The following SLC14A2 variants were observed in gnomAD, a reference collection of about 807,000 sequenced individuals.
The protein encoded by SLC14A2 is urea transporter 2.
SLC14A2 carries 91 observed loss-of-function variants against 104.6 expected under a neutral mutation model. The ratio of observed to expected loss-of-function variants is 0.87; its 90% CI spans 0.73 to 1.04. The LOEUF (loss-of-function observed/expected upper bound fraction) is 1.04. Among genes scored for constraint, SLC14A2 ranks in the 50% least tolerant of loss-of-function variants. The pLI is 0.00. For missense variants in SLC14A2, 1,189 were observed against 1,156.0 expected (o/e 1.03, Z -0.41); for synonymous variants, 476 against 466.4 (o/e 1.02, Z -0.27).
At chr18:45,312,425 G>A (rs567440042) in intron 1 of SLC14A2, among the ~76,000 whole-genome samples, 22 of 151,664 alleles carry the variant, frequency 1.5e-4, no homozygotes, top group Admixed American at 3.3e-4. Context: ...CAGCAGCTTC[G>A]TTTTCAATGA....
chr18:45,403,523 T>C (rs745580443), intron 1 of SLC14A2, among the ~76,000 whole-genome samples: 16 of 152,332 alleles, frequency 1.1e-4, no homozygotes, highest in Non-Finnish European at 1.9e-4. Context: ...GGGTTGCCTC[T>C]GAGTGTACTG....
chr18:45,557,669 A>T (rs2044150280), intron 2 of SLC14A2, among the ~76,000 whole-genome samples: 1 of 152,034 alleles, frequency 6.6e-6, no homozygotes. Flanking sequence ...GGCCCCATAT[A>T]TTGGGCCTGG....
chr18:45,450,622 C>T (rs1030184578), intron 1 of SLC14A2, among the ~76,000 whole-genome samples: 2 of 152,172 alleles, frequency 1.3e-5, no homozygotes, highest in Non-Finnish European at 2.9e-5. Flanking sequence ...AAATGAGTAC[C>T]ACTGCAGGGG....
At chr18:45,476,266 T>C (rs1348835637) in intron 1 of SLC14A2, among the ~76,000 whole-genome samples, 1 of 152,210 alleles carries the variant, frequency 6.6e-6, no homozygotes, top group East Asian at 1.9e-4. Flanking sequence ...TATGAAATTC[T>C]GGATTGAAAA....
At position 45,606,601 on chromosome 18, in the gene SLC14A2, C is replaced by T. The variant is rs1170884435; in HGVS notation, c.-34-18030C>T. On this transcript the variant is annotated intron_variant, in intron 2 of 20. Coordinates refer to the SLC14A2 transcript ENST00000586448. ...ACCCCGTAAAGCTGGTGGCTGAGCA[C>T]TGAATGGCAAGAAAACATATGCCCA... Among the ~76,000 whole-genome samples the T allele has an allele frequency of 6.6e-4, 58 of 88,464 alleles. No homozygotes were observed. In the Admixed American group the frequency reaches 7.3e-3, roughly 11 times the overall value. The allele number at this position is 88,464 out of a possible 152,430, so 58.0% of individuals were successfully genotyped here.
intron 2 of SLC14A2, among the ~76,000 whole-genome samples, chr18:45,625,356 A>G (rs904746332): frequency 6.6e-6 from 1 of 152,224 alleles, no homozygotes; most frequent in African/African-American, 2.4e-5. Context: ...GCATTTCAGT[A>G]TAATTGGCTT....
intron 1 of SLC14A2, among the ~76,000 whole-genome samples, chr18:45,240,185 CT>C (rs1200424503): frequency 6.0e-5 from 9 of 148,788 alleles, no homozygotes; most frequent in African/African-American, 2.0e-4. Flanking sequence ...CAACCTCTGC[CT>C]CCTGGGTTCA....
At chr18:45,331,548 G>A (rs756642241) in intron 1 of SLC14A2, among the ~76,000 whole-genome samples, 20 of 151,958 alleles carry the variant, frequency 1.3e-4, no homozygotes, top group African/African-American at 3.6e-4. Context: ...AAAATTAGCC[G>A]GGCGTGGTGG....
At chr18:45,489,218 C>A (rs1191416110) in intron 2 of SLC14A2, among the ~76,000 whole-genome samples, 1 of 152,122 alleles carries the variant, frequency 6.6e-6, no homozygotes, top group Non-Finnish European at 1.5e-5. Flanking sequence ...AACAGTTAAC[C>A]TATACTAAAT....
At chr18:45,298,394 G>A (rs986018645) in intron 1 of SLC14A2, among the ~76,000 whole-genome samples, 1 of 152,158 alleles carries the variant, frequency 6.6e-6, no homozygotes, top group Admixed American at 6.6e-5. Context: ...CATGTAGCAT[G>A]CAAAAATCTA....
intron 1 of SLC14A2, among the ~76,000 whole-genome samples, chr18:45,423,520 G>T (rs1425272835): frequency 2.0e-5 from 3 of 152,132 alleles, no homozygotes; most frequent in African/African-American, 7.2e-5. Context: ...ATTCTAACCA[G>T]AGGGTTCCTT....
intron 1 of SLC14A2, among the ~76,000 whole-genome samples, chr18:45,386,055 G>A (rs1488301041): frequency 6.6e-6 from 1 of 152,162 alleles, no homozygotes; most frequent in East Asian, 1.9e-4. Flanking sequence ...ATGCTGTGGG[G>A]TTCAGAGACG....
At chr18:45,514,513 T>A (rs1020549896) in intron 2 of SLC14A2, among the ~76,000 whole-genome samples, 18 of 152,168 alleles carry the variant, frequency 1.2e-4, no homozygotes, top group African/African-American at 4.1e-4. Flanking sequence ...ATATCAGAGC[T>A]AGAAAATCAC....
At chr18:45,517,934 T>C (rs1403369776) in intron 2 of SLC14A2, among the ~76,000 whole-genome samples, 2 of 152,238 alleles carry the variant, frequency 1.3e-5, no homozygotes, top group Non-Finnish European at 2.9e-5. Flanking sequence ...AGGTGCTTAT[T>C]GTAACTGCTG....
intron 1 of SLC14A2, among the ~76,000 whole-genome samples, chr18:45,251,217 C>A (rs1448835608): frequency 6.6e-6 from 1 of 152,160 alleles, no homozygotes; most frequent in Non-Finnish European, 1.5e-5. Flanking sequence ...TCCATTGTAT[C>A]ATTCTTATGC....
intron 10 of SLC14A2, among the ~76,000 whole-genome samples, chr18:45,645,204 T>G (rs561081369): frequency 1.4e-4 from 21 of 152,348 alleles, no homozygotes; most frequent in Non-Finnish European, 1.3e-4. Context: ...ACTCATTCTT[T>G]TTATGGCTGC....
intron 1 of SLC14A2, among the ~76,000 whole-genome samples, chr18:45,253,101 C>T (rs2084440027): frequency 6.6e-6 from 1 of 152,162 alleles, no homozygotes; most frequent in Non-Finnish European, 1.5e-5. Context: ...ATCCGAATCA[C>T]CCAGAGGATA....
rs763752463 is a variant in SLC14A2, at chr18:45,682,507, C to T, written c.2751C>T (p.Tyr917=). 30 of 1,613,756 alleles carry T rather than the reference C, an allele frequency of 1.9e-5. No individual in the cohort carries two copies. Among genetic ancestry groups the T allele is most frequent in the Admixed American group, 1.3e-4 (8 of 60,024 alleles). ...CAATCATAACAAAGTATCAGGCCTA[C>T]GATGTCTCCTAAGTTTCCCTGTCTA... The part of the protein sequence containing the change: ...RASIITKYQA[Y]DVS The change falls in exon 20 of 20, where the codon TAC becomes TAT. Residue 917 remains tyrosine, a synonymous_variant. Coordinates refer to ENST00000255226, the MANE Select transcript of SLC14A2 (RefSeq NM_007163.4).
chr18:45,588,030 CG>C (rs1269233069), intron 2 of SLC14A2, among the ~76,000 whole-genome samples: 1 of 152,048 alleles, frequency 6.6e-6, no homozygotes, highest in Non-Finnish European at 1.5e-5. Context: ...TTGAAAATGC[CG>C]GATTGACCCT....
Sources: gnomAD v4.1 joint callset for allele counts (sites outside exome capture counted in the v4.1 genomes callset) on GRCh38, gnomAD v4.1.1 for gene constraint, MANE v1.5 for transcripts, NCBI Gene and HGNC (gene_info 2026-07-23, HGNC 2026-07-21) for gene names.